Variants in VWA8 observed in about 807,000 individuals in gnomAD.
VWA8 encodes the protein von Willebrand factor A domain-containing protein 8.
A neutral mutation model predicts 241.5 loss-of-function variants in VWA8; 221 were observed. The observed-to-expected ratio is 0.91, with a 90% CI of 0.82 to 1.02. The LOEUF (loss-of-function observed/expected upper bound fraction) is 1.02. Among genes scored for constraint, VWA8 ranks in the 50% least tolerant of loss-of-function variants. The pLI, the probability that VWA8 is intolerant of heterozygous loss-of-function variation, is 0.00. For synonymous variants in VWA8, 852 were observed against 827.1 expected (o/e 1.03, Z -0.52); for missense variants, 2,322 against 2,328.7 (o/e 1.00, Z 0.06).
intron 2 of VWA8, among the ~76,000 whole-genome samples, 191 bp downstream of exon 2, chr13:41,949,745 T>C (rs1878037545): frequency 6.6e-6 from 1 of 152,158 alleles, no homozygotes; most frequent in South Asian, 2.1e-4. Context: ...TAATAGGATG[T>C]CTGGGATAGG....
intron 21 of VWA8, among the ~76,000 whole-genome samples, chr13:41,739,749 T>A (rs991345514): frequency 6.6e-6 from 1 of 151,726 alleles, no homozygotes; most frequent in African/African-American, 2.4e-5. Context: ...GGAAAAACAA[T>A]ATATTCTGCA....
At chr13:41,602,560 T>C (rs773022581) in intron 40 of VWA8, among the ~76,000 whole-genome samples, 1 of 152,130 alleles carries the variant, frequency 6.6e-6, no homozygotes, top group Admixed American at 6.6e-5. Context: ...TCTGTAGAGG[T>C]TAAATAGCAC....
At chr13:41,646,264 C>A (rs1303382851) in intron 37 of VWA8, among the ~76,000 whole-genome samples, 1 of 152,108 alleles carries the variant, frequency 6.6e-6, no homozygotes, top group Non-Finnish European at 1.5e-5. Flanking sequence ...CCACGCCCGG[C>A]CAAATTTTCC....
At chr13:41,881,142 T>C (rs1349518726) in intron 9 of VWA8, among the ~76,000 whole-genome samples, 1 of 152,088 alleles carries the variant, frequency 6.6e-6, no homozygotes, top group Non-Finnish European at 1.5e-5. Flanking sequence ...ATCATTTATT[T>C]TTATGCTCAA....
At chr13:41,638,403 T>A (rs2044773076) in intron 37 of VWA8, among the ~76,000 whole-genome samples, 1 of 152,148 alleles carries the variant, frequency 6.6e-6, no homozygotes, top group Non-Finnish European at 1.5e-5. Context: ...CGGAAGTGAA[T>A]GAAGTTGCCT....
chr13:41,695,633 C>T (rs1310144265), intron 29 of VWA8, among the ~76,000 whole-genome samples: 1 of 151,988 alleles, frequency 6.6e-6, no homozygotes, highest in Admixed American at 6.6e-5. Flanking sequence ...AAAGAGAAGG[C>T]AGTTTAGAGG....
rs1458277040 is a variant in VWA8 at position 41,829,540 on chromosome 13, C to T, written c.1700+989G>A. 3.4e-3 allele frequency among the ~76,000 whole-genome samples: 457 copies of T among 134,592 alleles called. 3 individuals are homozygous for T. Among genetic ancestry groups the T allele is most frequent in the African/African-American group, 0.012 (414 of 34,774 alleles). 88.3% of individuals were successfully genotyped at this position (134,592 alleles called of 152,430 possible). On this transcript the variant is annotated intron_variant, in intron 14 of 44. Transcript: ENST00000379310. Reference sequence around the variant, plus strand: ...ATAAAGGAAATGTGATACACACACACACACACACACACACACACACACACA... The same window carrying T: ...ATAAAGGAAATGTGATACACACACATACACACACACACACACACACACACA...
chr13:41,637,426 G>A (rs1173886065), intron 37 of VWA8, among the ~76,000 whole-genome samples: 1 of 105,226 alleles, frequency 9.5e-6, no homozygotes, highest in Non-Finnish European at 1.8e-5. Context: ...GGTGGGGGGA[G>A]GGGGGAGGGA....
At chr13:41,754,649 T>A (rs1010756520) in intron 21 of VWA8, among the ~76,000 whole-genome samples, 1 of 152,134 alleles carries the variant, frequency 6.6e-6, no homozygotes, top group Admixed American at 6.6e-5. Context: ...AATTAAATTA[T>A]TTTTGGCTAT....
chr13:41,926,823 GA>G (rs1876867879), intron 2 of VWA8: 1 of 561,606 alleles, frequency 1.8e-6, no homozygotes, highest in African/African-American at 1.9e-5. Flanking sequence ...TAACCTCTTT[GA>G]AACTGATGAA....
chr13:41,714,054 G>A (rs2045334281), intron 26 of VWA8, among the ~76,000 whole-genome samples: 1 of 151,926 alleles, frequency 6.6e-6, no homozygotes, highest in African/African-American at 2.4e-5. Context: ...AAGTCTAGAA[G>A]GATCATCAAT....
chr13:41,585,733 G>C (rs1316751369), intron 42 of VWA8, among the ~76,000 whole-genome samples: 2 of 151,608 alleles, frequency 1.3e-5, no homozygotes, highest in East Asian at 3.9e-4. Context: ...GCGTGGTGGC[G>C]GGCACCTGTA....
chr13:41,900,155 T>C (rs1445036153), intron 4 of VWA8, among the ~76,000 whole-genome samples: 1 of 152,226 alleles, frequency 6.6e-6, no homozygotes, highest in Non-Finnish European at 1.5e-5. Flanking sequence ...ACACTTGTTA[T>C]GAAAACAGAA....
chr13:41,611,772 CTT>C lies in VWA8; in HGVS notation c.4721-42_4721-41del, dbSNP rs760158964. ...TGGAAATTCAGATGATAAATCTGAA[CTT>C]GACCACAGAACAAAAGTTGGGTCAT... On this transcript the variant is annotated intron_variant, in intron 38 of 44. Coordinates refer to ENST00000379310, the MANE Select transcript of VWA8 (RefSeq NM_015058.2). 1.9e-6 allele frequency: 3 copies of C among 1,609,790 alleles called. No homozygotes were observed. The African/African-American group carries it at 4.0e-5, about 22-fold the overall frequency.
chr13:41,912,318 T>C, intron 2 of VWA8, 150 bp from the exon 3 acceptor site: 1 of 546,238 alleles, frequency 1.8e-6, no homozygotes, highest in Non-Finnish European at 2.7e-6. Flanking sequence ...TATAAATATA[T>C]ATAAACATAT....
chr13:41,835,318 C>T (rs1457108218), intron 12 of VWA8, among the ~76,000 whole-genome samples: 2 of 152,116 alleles, frequency 1.3e-5, no homozygotes, highest in African/African-American at 4.8e-5. Context: ...TCATAAAGAC[C>T]TTTGAAAAAC....
chr13:41,890,057 A>G (rs1874754784), intron 5 of VWA8, among the ~76,000 whole-genome samples: 1 of 152,262 alleles, frequency 6.6e-6, no homozygotes, highest in Admixed American at 6.5e-5. Flanking sequence ...TTATATCAGA[A>G]CAAGATGTTC....
intron 37 of VWA8, among the ~76,000 whole-genome samples, chr13:41,659,377 T>C (rs1473412345): frequency 2.0e-5 from 3 of 152,262 alleles, no homozygotes; most frequent in Non-Finnish European, 4.4e-5. Flanking sequence ...GTACCTTTCA[T>C]ATAGTGTTTT....
intron 20 of VWA8, among the ~76,000 whole-genome samples, chr13:41,761,840 T>A (rs1359178581): frequency 3.9e-5 from 6 of 152,080 alleles, no homozygotes; most frequent in African/African-American, 1.4e-4. Flanking sequence ...GAAGACAGAT[T>A]GTTAAAAATG....
Sources: gnomAD v4.1 joint callset for allele counts (sites outside exome capture counted in the v4.1 genomes callset) on GRCh38, gnomAD v4.1.1 for gene constraint, MANE v1.5 for transcripts, NCBI Gene and HGNC (gene_info 2026-07-23, HGNC 2026-07-21) for gene names.